The following MYT1L variants were observed in gnomAD, a reference collection of about 807,000 sequenced individuals.
The protein encoded by MYT1L is myelin transcription factor 1 like.
Under a neutral mutation model 126.7 loss-of-function variants are expected in MYT1L, and 12 were observed. The observed-to-expected ratio is 0.09, with a 90% CI of 0.06 to 0.15. The LOEUF is 0.15. MYT1L is among the 10% of genes least tolerant of loss of function. The pLI, the probability that MYT1L is intolerant of heterozygous loss-of-function variation, is 1.00. For missense variants in MYT1L, 979 were observed against 1,585.2 expected (o/e 0.62, Z 6.49); for synonymous variants, 541 against 604.2 (o/e 0.90, Z 1.53).
chr2:1,859,984 T>C (rs2044379654), intron 18 of MYT1L, among the ~76,000 whole-genome samples: 1 of 152,232 alleles, frequency 6.6e-6, no homozygotes, highest in Non-Finnish European at 1.5e-5. Context: ...CACGGCAGCG[T>C]CACTGTCCAT....
intron 1 of MYT1L, chr2:2,324,178 G>A (rs1253041047): frequency 6.6e-6 from 1 of 152,124 alleles, no homozygotes; most frequent in African/African-American, 2.4e-5. Context: ...TACCTGGAGG[G>A]GATATCAAAG....
At chr2:2,288,019 A>G (rs897098580) in intron 1 of MYT1L, among the ~76,000 whole-genome samples, 4 of 152,334 alleles carry the variant, frequency 2.6e-5, no homozygotes, top group Admixed American at 1.3e-4. Context: ...GCTTCTTCAG[A>G]CAGACATCAG....
chr2:1,798,923 G>T (rs1405015396), intron 23 of MYT1L, among the ~76,000 whole-genome samples: 1 of 152,198 alleles, frequency 6.6e-6, no homozygotes, highest in African/African-American at 2.4e-5. Flanking sequence ...TTTTGCTCCA[G>T]ATCTAACCTG....
intron 3 of MYT1L, among the ~76,000 whole-genome samples, chr2:2,130,255 G>A (rs2082203962): frequency 6.6e-6 from 1 of 152,006 alleles, no homozygotes; most frequent in African/African-American, 2.4e-5. Context: ...CTGGAAAAAT[G>A]CATATTAATA....
At chr2:2,188,384 G>A (rs1185129194) in intron 2 of MYT1L, among the ~76,000 whole-genome samples, 1 of 152,224 alleles carries the variant, frequency 6.6e-6, no homozygotes, top group Admixed American at 6.5e-5. Flanking sequence ...AACACACACT[G>A]CCAATCCCCC....
intron 1 of MYT1L, among the ~76,000 whole-genome samples, chr2:2,287,830 T>C (rs1346078118): frequency 6.6e-6 from 1 of 152,246 alleles, no homozygotes; most frequent in African/African-American, 2.4e-5. Flanking sequence ...ATGGAAATTG[T>C]AATAGCAATG....
At chr2:2,192,551 G>A (rs1330829849) in intron 2 of MYT1L, among the ~76,000 whole-genome samples, 1 of 152,114 alleles carries the variant, frequency 6.6e-6, no homozygotes, top group Non-Finnish European at 1.5e-5. Context: ...GTTGGTCCTG[G>A]CAGTGGGTGG....
chr2:2,162,474 C>T (rs2088174050), intron 3 of MYT1L, among the ~76,000 whole-genome samples: 1 of 152,172 alleles, frequency 6.6e-6, no homozygotes, highest in South Asian at 2.1e-4. Flanking sequence ...CCTCAGAGGG[C>T]AGCAGGGCTG....
intron 5 of MYT1L, among the ~76,000 whole-genome samples, chr2:1,993,369 A>C (rs921182561): frequency 6.6e-6 from 1 of 151,470 alleles, no homozygotes; most frequent in Admixed American, 6.6e-5. Flanking sequence ...ACCAACCTTC[A>C]CTCCACTCCA....
At chr2:1,906,571 C>G (rs1336803360) in intron 13 of MYT1L, among the ~76,000 whole-genome samples, 2 of 151,900 alleles carry the variant, frequency 1.3e-5, no homozygotes, top group Non-Finnish European at 2.9e-5. Flanking sequence ...GGATATATAT[C>G]CAATTATATA....
At chr2:2,138,549 A>G (rs2083412147) in intron 3 of MYT1L, among the ~76,000 whole-genome samples, 1 of 145,600 alleles carries the variant, frequency 6.9e-6, no homozygotes, top group African/African-American at 2.6e-5. Context: ...TTGTAGGGAC[A>G]TGGATGAAAT....
chr2:2,309,226 C>T (rs2095912274), intron 1 of MYT1L, among the ~76,000 whole-genome samples: 1 of 151,494 alleles, frequency 6.6e-6, no homozygotes, highest in Admixed American at 6.6e-5. Flanking sequence ...CACTTCAGTA[C>T]ATTCTATGCC....
chr2:1,877,778 C>T (rs2047096666), intron 18 of MYT1L, among the ~76,000 whole-genome samples: 1 of 146,688 alleles, frequency 6.8e-6, no homozygotes, highest in African/African-American at 2.6e-5. Context: ...AATAGGTCAC[C>T]TGTTTGTATC....
intron 19 of MYT1L, chr2:1,841,737 C>G (rs949190989): frequency 8.5e-5 from 13 of 152,184 alleles, no homozygotes; most frequent in African/African-American, 3.1e-4. Context: ...AAAAAAGCAG[C>G]CTCCCAGCCC....
intron 1 of MYT1L, among the ~76,000 whole-genome samples, chr2:2,329,757 A>G (rs1018512418): frequency 2.0e-5 from 3 of 152,200 alleles, no homozygotes; most frequent in African/African-American, 4.8e-5. Flanking sequence ...GTTAATAAAG[A>G]AAATTTATCA....
At chr2:2,212,715 C>T (rs556907959) in intron 2 of MYT1L, among the ~76,000 whole-genome samples, 1 of 152,246 alleles carries the variant, frequency 6.6e-6, no homozygotes, top group Admixed American at 6.5e-5. Flanking sequence ...TCTCTAGTAT[C>T]GTGTAGTTTG....
intron 1 of MYT1L, among the ~76,000 whole-genome samples, chr2:2,308,533 A>G (rs1299629605): frequency 6.6e-6 from 1 of 151,994 alleles, no homozygotes; most frequent in African/African-American, 2.4e-5. Flanking sequence ...ACACTTCAGT[A>G]TATTCTACCC....
At chr2:2,186,138 G>C (rs113446075) in intron 2 of MYT1L, among the ~76,000 whole-genome samples, 12 of 123,472 alleles carry the variant, frequency 9.7e-5, no homozygotes, top group East Asian at 2.5e-4. Context: ...TTCCGTGAGG[G>C]GGACGCAGCC....
intron 2 of MYT1L, among the ~76,000 whole-genome samples, chr2:2,181,350 T>C (rs143459505): frequency 6.6e-6 from 1 of 152,282 alleles, no homozygotes; most frequent in East Asian, 1.9e-4. Context: ...TACCTGGCTC[T>C]CTGTTGTCTC....
Sources: gnomAD v4.1 joint callset for allele counts (sites outside exome capture counted in the v4.1 genomes callset) on GRCh38, gnomAD v4.1.1 for gene constraint, MANE v1.5 for transcripts, NCBI Gene and HGNC (gene_info 2026-07-23, HGNC 2026-07-21) for gene names.